PI4KB: variants seen among roughly 807,000 people sequenced by gnomAD.
PI4KB encodes PtdIns 4-kinase beta.
In PI4KB, 23 loss-of-function variants were observed where a neutral mutation model predicts 81.4. That is an observed-to-expected ratio of 0.28 (90% confidence interval 0.20 to 0.40). The LOEUF (loss-of-function observed/expected upper bound fraction) is 0.40. PI4KB is among the 10% of genes least tolerant of loss of function. The pLI, the probability that PI4KB is intolerant of heterozygous loss-of-function variation, is 1.00. For synonymous variants in PI4KB, 381 were observed against 406.8 expected (o/e 0.94, Z 0.76); for missense variants, 651 against 1,036.6 (o/e 0.63, Z 5.11).
intron 2 of PI4KB, among the ~76,000 whole-genome samples, chr1:151,312,634 T>C (rs1031720983): frequency 1.3e-5 from 2 of 152,176 alleles, no homozygotes; most frequent in Non-Finnish European, 2.9e-5. Context: ...TGAATGAATG[T>C]TACATGAAAG....
intron 1 of PI4KB, 61 bp downstream of exon 1, chr1:151,327,210 A>AGTGGGG: frequency 1.5e-5 from 2 of 135,752 alleles, no homozygotes; most frequent in African/African-American, 3.1e-5. Flanking sequence ...ACAGGGTGGG[A>AGTGGGG]GAGGGACCCC....
chr1:151,321,729 C>T lies in PI4KB; in HGVS notation c.-28-5220G>A, dbSNP rs61818007. On this transcript the variant is annotated intron_variant, in intron 1 of 11. Transcript: ENST00000368873. The stretch of plus-strand genomic sequence containing the variant: ...TCTACTAAAAATACAAAAAATTAGC[C>T]GGGCATGGTGGTGGGCACCTGTAGT... 4.0e-3 allele frequency among the ~76,000 whole-genome samples: 611 copies of T among 150,968 alleles called. 2 individuals are homozygous for T. The highest frequency in any genetic ancestry group is 0.012 in the Admixed American group (175 of 15,154).
Position 151,299,059 on chromosome 1 carries a change from C to T in PI4KB, c.1764G>A (p.Gln588=), listed in dbSNP as rs763485933. ...GCTTGATCCAAAGGGGCACTCGCTC[C>T]TGTTCCCAAATGGACTGTGAGGAGA... ...VLKQLQSIWE[Q]ERVPLWIKPY... is the part of the protein sequence containing the mutation. Residue 588 remains glutamine (Q), a synonymous_variant, in exon 9 of 12, where the codon CAG becomes CAA. Coordinates refer to ENST00000368873, the MANE Select transcript of PI4KB (RefSeq NM_001369623.2). 6 of 1,613,996 alleles carry T rather than the reference C, an allele frequency of 3.7e-6. No homozygotes were observed. Among genetic ancestry groups the T allele is most frequent in the African/African-American group, 1.3e-5 (1 of 74,940 alleles).
rs112153944 is a variant in PI4KB at position 151,313,782 on chromosome 1, G to A, written c.909+1791C>T. Among the ~76,000 whole-genome samples, 683 of 152,356 alleles carry A rather than the reference G, an allele frequency of 4.5e-3. 7 individuals are homozygous for A. The highest frequency in any genetic ancestry group is 0.014 in the Middle Eastern group (4 of 294). ...AGCTCAGATGGCCATAGCCTGGGCC[G>A]TTCTTCCCCACATGGCTTCTGACAG... On this transcript the variant is annotated intron_variant, in intron 2 of 11. Coordinates refer to ENST00000368873, the MANE Select transcript of PI4KB (RefSeq NM_001369623.2).
At chr1:151,294,379 C>A (rs747881714) in intron 10 of PI4KB, 30 bp downstream of exon 10, 14 of 1,609,216 alleles carry the variant, frequency 8.7e-6, no homozygotes, top group Non-Finnish European at 1.2e-5. Flanking sequence ...TACAATGACC[C>A]CCGAGAGGCA....
intron 5 of PI4KB, among the ~76,000 whole-genome samples, chr1:151,304,234 C>T (rs587761932): frequency 1.8e-4 from 28 of 152,070 alleles, no homozygotes; most frequent in Admixed American, 3.3e-4. Context: ...GTACACACTG[C>T]TTTGTTGTAT....
intron 1 of PI4KB, among the ~76,000 whole-genome samples, chr1:151,321,805 G>A (rs182463443): frequency 7.4e-5 from 11 of 149,096 alleles, no homozygotes; most frequent in African/African-American, 9.9e-5. Flanking sequence ...CCCAGGAGGC[G>A]GAGCTTGCAG....
chr1:151,292,941 G>A lies in PI4KB; in HGVS notation c.2362C>T (p.Leu788=). The A allele has an allele frequency of 6.2e-7, 1 of 1,614,162 alleles. No individual in the cohort carries two copies. Among genetic ancestry groups the A allele is most frequent in the Non-Finnish European group, 8.5e-7 (1 of 1,180,022 alleles). Residue 788 remains leucine (L), a synonymous_variant, in exon 12 of 12, where the codon CTG becomes TTG. Transcript: ENST00000368873. ...MSMTEEQLQL[L]VEQMVDGSMR... ...CTGCCATCCACCATCTGCTCCACCA[G>A]CAGCTGCAGCTGCTCCTCAGTCATG...
At position 151,315,976 on chromosome 1, in the gene PI4KB, T is replaced by C. The variant is rs756950342; in HGVS notation, c.506A>G (p.Asn169Ser). The change falls in exon 2 of 12, where the codon AAC becomes AGC. Residue 169 changes from asparagine to serine, a missense_variant. Around this residue, in one of 5 missense-constraint regions of PI4KB, gnomAD observed 314 missense variants for 397.8 expected, o/e 0.79. Transcript: ENST00000368873. ...YIGNRLFCFR[N>S]EDVDFYLPQL... ...GGGCAGATAGAAGTCCACGTCCTCG[T>C]TGCGAAAGCAGAAGAGCCGGTTGCC... 3.1e-6 allele frequency: 5 copies of C among 1,613,054 alleles called. No individual in the cohort carries two copies. The highest frequency in any genetic ancestry group is 2.2e-5 in the East Asian group (1 of 44,828).
chr1:151,301,901 C>T lies in PI4KB; in HGVS notation c.1692G>A (p.Lys564=). 1.9e-6 allele frequency: 3 copies of T among 1,614,132 alleles called. No homozygotes were observed. Among genetic ancestry groups the T allele is most frequent in the Non-Finnish European group, 2.5e-6 (3 of 1,180,026 alleles). ...GCTCTTGCCGAAGGTCATCCCCACACTTGACAATGACTGACAGGAGCCGCC... is the reference window on the plus strand; with the variant it reads ...GCTCTTGCCGAAGGTCATCCCCACATTTGACAATGACTGACAGGAGCCGCC... The part of the protein sequence containing the change: ...PNWRLLSVIV[K]CGDDLRQELL... The change falls in exon 8 of 12, where the codon AAG becomes AAA. Residue 564 remains lysine, a synonymous_variant. Transcript: ENST00000368873.
At chr1:151,326,225 G>A (rs1181114926) in intron 1 of PI4KB, 1 of 1,594,144 alleles carries the variant, frequency 6.3e-7, no homozygotes, top group Non-Finnish European at 8.6e-7. Context: ...GGCTGCTCCG[G>A]AGTAGTCAAC....
rs1277150281 is a variant in PI4KB at position 151,327,297 on chromosome 1, G to A, written c.-55C>T. The stretch of plus-strand genomic sequence containing the variant: ...TCTGGGGGACCCCCGCGGAGGGGGT[G>A]CGGGCAGTCGCGGTTGGACTGCCGA... On this transcript the variant is annotated 5_prime_UTR_variant, in exon 1 of 12. Transcript: ENST00000368873. The A allele has an allele frequency of 5.0e-6, 2 of 396,708 alleles. No individual in the cohort carries two copies. The highest frequency in any genetic ancestry group is 8.9e-6 in the Non-Finnish European group (2 of 225,236). The allele number at this position is 396,708 out of a possible 1,614,324, so 24.6% of individuals were successfully genotyped here. A position where few individuals can be genotyped will look rare whatever the true frequency, so the allele number is the denominator to read the frequency against.
At chr1:151,326,169 C>T (rs773323948) in intron 1 of PI4KB, 2 of 1,613,244 alleles carry the variant, frequency 1.2e-6, no homozygotes, top group African/African-American at 2.7e-5. Context: ...CAAGTTTTCT[C>T]ACAATCTCAT....
rs113392594 is a variant in PI4KB at position 151,324,398 on chromosome 1, T to A, written c.-29+2873A>T. Among the ~76,000 whole-genome samples, 15 of 152,310 alleles carry A rather than the reference T, an allele frequency of 9.8e-5. 1 individual carries two copies. Among genetic ancestry groups the A allele is most frequent in the African/African-American group, 3.6e-4 (15 of 41,558 alleles). ...CTTTCTTTAAGGATGTCTCAACTCA[T>A]CTCTCCCCTTTGACCTCAATGGTAA... is the stretch of plus-strand genomic sequence containing the variant. On this transcript the variant is annotated intron_variant, in intron 1 of 11. Transcript: ENST00000368873.
chr1:151,321,390 AT>A (rs1056096911), intron 1 of PI4KB, among the ~76,000 whole-genome samples: 1 of 151,222 alleles, frequency 6.6e-6, no homozygotes, highest in Non-Finnish European at 1.5e-5. Context: ...TATTTTATTT[AT>A]TTTTTTGAGA....
At chr1:151,313,967 A>G (rs1647514230) in intron 2 of PI4KB, among the ~76,000 whole-genome samples, 1 of 152,260 alleles carries the variant, frequency 6.6e-6, no homozygotes, top group Non-Finnish European at 1.5e-5. Flanking sequence ...CCTTGCTGGC[A>G]AAATAATACC....
intron 1 of PI4KB, among the ~76,000 whole-genome samples, chr1:151,318,278 G>A (rs903486274): frequency 1.5e-4 from 23 of 151,902 alleles, no homozygotes; most frequent in South Asian, 2.1e-4. Flanking sequence ...TTAGCCAGGC[G>A]TGGTGGCAGG....
At chr1:151,321,757 C>T (rs1288410373) in intron 1 of PI4KB, among the ~76,000 whole-genome samples, 1 of 151,084 alleles carries the variant, frequency 6.6e-6, no homozygotes, top group Non-Finnish European at 1.5e-5. Context: ...CCTGTAGTCC[C>T]AGCCACTTGG....
chr1:151,293,964 G>C (rs1694569924), intron 11 of PI4KB, 54 bp downstream of exon 11: 1 of 1,607,354 alleles, frequency 6.2e-7, no homozygotes, highest in African/African-American at 1.3e-5. Flanking sequence ...CCAGGGCTCC[G>C]ACTTAAAGGG....
Sources: gnomAD v4.1 joint callset for allele counts (sites outside exome capture counted in the v4.1 genomes callset) on GRCh38, gnomAD v4.1.1 for gene constraint, gnomAD v4.1.1 regional missense constraint, MANE v1.5 for transcripts, NCBI Gene and HGNC (gene_info 2026-07-23, HGNC 2026-07-21) for gene names.